The following CPQ variants were observed in gnomAD, a reference collection of about 807,000 sequenced individuals.
CPQ encodes Ser-Met dipeptidase.
Under a neutral mutation model 45.7 loss-of-function variants are expected in CPQ, and 37 were observed. The observed-to-expected ratio is 0.81, with a 90% CI of 0.62 to 1.07. CPQ has a LOEUF of 1.07. CPQ is among the 50% of genes least tolerant of loss of function. The probability of loss-of-function intolerance (pLI) is 0.00; values close to 1 mark genes in which losing one functional copy is unlikely to be tolerated. For missense variants in CPQ, 537 were observed against 572.9 expected (o/e 0.94, Z 0.64); for synonymous variants, 186 against 205.8 (o/e 0.90, Z 0.82).
At chr8:96,948,084 T>G (rs1201827140) in intron 4 of CPQ, among the ~76,000 whole-genome samples, 1 of 152,002 alleles carries the variant, frequency 6.6e-6, no homozygotes, top group Non-Finnish European at 1.5e-5. Context: ...AATACTTAGC[T>G]TCTTCCTAGA....
At chr8:97,134,542 C>G (rs574914914) in intron 7 of CPQ, among the ~76,000 whole-genome samples, 1 of 152,208 alleles carries the variant, frequency 6.6e-6, no homozygotes, top group African/African-American at 2.4e-5. Flanking sequence ...CAAGTCTTTA[C>G]TCTATTTCAT....
chr8:96,775,165 G>A (rs559527478), intron 1 of CPQ, among the ~76,000 whole-genome samples: 6 of 152,040 alleles, frequency 3.9e-5, no homozygotes, highest in Non-Finnish European at 5.9e-5. Flanking sequence ...CTGGAAGAGC[G>A]GGAAGAAAAT....
At chr8:96,893,432 A>C (rs1318924328) in intron 4 of CPQ, among the ~76,000 whole-genome samples, 1 of 152,200 alleles carries the variant, frequency 6.6e-6, no homozygotes, top group African/African-American at 2.4e-5. Context: ...TAAGTTCTAG[A>C]GCTCACACTG....
chr8:96,916,019 A>C (rs1376684171), intron 4 of CPQ, among the ~76,000 whole-genome samples: 1 of 152,162 alleles, frequency 6.6e-6, no homozygotes, highest in Non-Finnish European at 1.5e-5. Flanking sequence ...AGAATGGAAA[A>C]GAGAGAGATC....
chr8:97,020,647 A>C (rs1253207262), intron 5 of CPQ, among the ~76,000 whole-genome samples: 1 of 152,204 alleles, frequency 6.6e-6, no homozygotes, highest in East Asian at 1.9e-4. Flanking sequence ...ATTCCTGAAA[A>C]GATACAACCT....
chr8:97,130,891 G>A (rs562600431), intron 7 of CPQ, among the ~76,000 whole-genome samples: 4 of 143,476 alleles, frequency 2.8e-5, no homozygotes, highest in Non-Finnish European at 4.5e-5. Flanking sequence ...ATTTTAGAAG[G>A]TTTTGTGTCA....
chr8:96,667,424 C>T (rs1808940636), intron 1 of CPQ, among the ~76,000 whole-genome samples: 2 of 151,024 alleles, frequency 1.3e-5, no homozygotes, highest in Admixed American at 1.3e-4. Context: ...TCTCGGCTCA[C>T]TGCAACCTCC....
At chr8:96,703,232 A>AT (rs962398186) in intron 1 of CPQ, among the ~76,000 whole-genome samples, 13 of 151,852 alleles carry the variant, frequency 8.6e-5, no homozygotes, top group Non-Finnish European at 1.2e-4. Context: ...ACTTTGCCAT[A>AT]TTTTTTTTGG....
At chr8:97,119,876 A>C (rs1386451483) in intron 7 of CPQ, among the ~76,000 whole-genome samples, 1 of 152,152 alleles carries the variant, frequency 6.6e-6, no homozygotes, top group African/African-American at 2.4e-5. Context: ...TGCTGAGGTC[A>C]CCTGGCAGCT....
chr8:96,830,076 C>T (rs566213596), intron 2 of CPQ, among the ~76,000 whole-genome samples: 2 of 152,280 alleles, frequency 1.3e-5, no homozygotes, highest in African/African-American at 4.8e-5. Context: ...CTTACCACTT[C>T]TCCATGGACC....
intron 5 of CPQ, among the ~76,000 whole-genome samples, chr8:97,022,987 A>ATATACAG (rs1809721052): frequency 6.8e-6 from 1 of 146,854 alleles, no homozygotes; most frequent in Non-Finnish European, 1.5e-5. Context: ...TGTATATAGT[A>ATATACAG]TATATATACA....
intron 2 of CPQ, among the ~76,000 whole-genome samples, chr8:96,830,105 C>A (rs1389959903): frequency 6.6e-6 from 1 of 152,098 alleles, no homozygotes; most frequent in Non-Finnish European, 1.5e-5. Flanking sequence ...TTGCATAGTG[C>A]ACACATTAGA....
intron 1 of CPQ, among the ~76,000 whole-genome samples, chr8:96,705,894 T>C (rs922711645): frequency 3.3e-5 from 5 of 152,204 alleles, no homozygotes; most frequent in African/African-American, 4.8e-5. Context: ...ATATAATTTT[T>C]ACCTTTGATA....
intron 2 of CPQ, among the ~76,000 whole-genome samples, chr8:96,824,780 T>C (rs1267086691): frequency 1.3e-5 from 2 of 152,046 alleles, no homozygotes; most frequent in African/African-American, 4.8e-5. Context: ...TGGTAGCTCA[T>C]CAAAAGCTTA....
At chr8:97,003,316 T>G (rs1419784079) in intron 5 of CPQ, among the ~76,000 whole-genome samples, 1 of 152,178 alleles carries the variant, frequency 6.6e-6, no homozygotes, top group African/African-American at 2.4e-5. Flanking sequence ...GCTGATTATT[T>G]TGCAGACTTG....
chr8:96,734,949 T>C (rs553674426), intron 1 of CPQ, among the ~76,000 whole-genome samples: 39 of 152,172 alleles, frequency 2.6e-4, no homozygotes, highest in African/African-American at 9.1e-4. Flanking sequence ...TCTGCAGTGC[T>C]TGTTTGCATG....
intron 1 of CPQ, among the ~76,000 whole-genome samples, chr8:96,743,121 C>T (rs1375056949): frequency 1.3e-5 from 2 of 152,280 alleles, no homozygotes; most frequent in Admixed American, 6.5e-5. Flanking sequence ...ACCAATCAGA[C>T]GTAGATTTGG....
chr8:96,846,014 C>T (rs1051193908), intron 3 of CPQ, among the ~76,000 whole-genome samples: 2 of 152,106 alleles, frequency 1.3e-5, no homozygotes, highest in African/African-American at 4.8e-5. Flanking sequence ...GATAGGGTTT[C>T]TCCATGTTGG....
At position 96,868,938 on chromosome 8, in the gene CPQ, A is replaced by G. The variant is rs187129139; in HGVS notation, c.642-10860A>G. Among the ~76,000 whole-genome samples the G allele has an allele frequency of 3.3e-3, 505 of 151,422 alleles. 4 individuals are homozygous for G. The highest frequency in any genetic ancestry group is 4.5e-3 in the Non-Finnish European group (303 of 67,932). On this transcript the variant is annotated intron_variant, in intron 3 of 7. Transcript: ENST00000220763. ...AATTTTTTTGAAATTCTGTTGGAAT[A>G]AATAATTTTTAGAGCATTTTAAAAC...
Sources: gnomAD v4.1 joint callset for allele counts (sites outside exome capture counted in the v4.1 genomes callset) on GRCh38, gnomAD v4.1.1 for gene constraint, MANE v1.5 for transcripts, NCBI Gene and HGNC (gene_info 2026-07-23, HGNC 2026-07-21) for gene names.